The following KCNIP4 variants were observed in gnomAD, a reference collection of about 807,000 sequenced individuals.
KCNIP4 encodes the protein potassium voltage-gated channel interacting protein 4, also known as Kv channel-interacting protein 4.
A neutral mutation model predicts 34.0 loss-of-function variants in KCNIP4; 12 were observed. That is an observed-to-expected ratio of 0.35 (90% confidence interval 0.23 to 0.57). The LOEUF (loss-of-function observed/expected upper bound fraction) is 0.57, where lower values mean the gene tolerates loss of function less well. KCNIP4 is among the 20% of genes least tolerant of loss of function. KCNIP4 has a pLI of 0.83. For synonymous variants in KCNIP4, 124 were observed against 102.2 expected, an observed-to-expected ratio of 1.21 and a Z score of -1.29; for missense variants, 238 against 311.7, an observed-to-expected ratio of 0.76 and a Z score of 1.78.
At chr4:21,775,065 A>G (rs1436759849) in intron 1 of KCNIP4, among the ~76,000 whole-genome samples, 1 of 151,832 alleles carries the variant, frequency 6.6e-6, no homozygotes, top group Non-Finnish European at 1.5e-5. Flanking sequence ...TTCATTGATT[A>G]TTTCTCATCT....
At chr4:21,545,889 G>A (rs922287214) in intron 1 of KCNIP4, among the ~76,000 whole-genome samples, 3 of 152,176 alleles carry the variant, frequency 2.0e-5, no homozygotes, top group East Asian at 1.9e-4. Flanking sequence ...AATCTCTAAG[G>A]TATATACCCA....
chr4:21,637,073 C>T (rs1000786608), intron 1 of KCNIP4, among the ~76,000 whole-genome samples: 10 of 152,030 alleles, frequency 6.6e-5, no homozygotes, highest in East Asian at 1.9e-4. Context: ...AAATTGGTTC[C>T]GGGACCTCCT....
At chr4:20,864,362 T>C (rs1385268106) in intron 2 of KCNIP4, among the ~76,000 whole-genome samples, 1 of 151,056 alleles carries the variant, frequency 6.6e-6, no homozygotes, top group Non-Finnish European at 1.5e-5. Context: ...AACATGTATA[T>C]ATGTATGTTA....
intron 1 of KCNIP4, among the ~76,000 whole-genome samples, chr4:21,741,123 G>A (rs1716371085): frequency 6.6e-6 from 1 of 152,000 alleles, no homozygotes. Flanking sequence ...CATATAAGAG[G>A]CACCATTTTG....
intron 1 of KCNIP4, among the ~76,000 whole-genome samples, chr4:21,210,417 T>C (rs961850161): frequency 6.6e-6 from 1 of 152,150 alleles, no homozygotes; most frequent in Non-Finnish European, 1.5e-5. Flanking sequence ...TAAGTTCCAT[T>C]GAAAGCTAGA....
rs114064407 is a variant in KCNIP4, at chr4:21,850,750, G to A, written c.61+97821C>T. 1.4e-3 allele frequency: 220 copies of A among 151,884 alleles called. 1 individual carries two copies. Among genetic ancestry groups the A allele is most frequent in the African/African-American group, 5.0e-3 (205 of 41,400 alleles). 9.4% of individuals were successfully genotyped at this position (151,884 alleles called of 1,614,324 possible). On this transcript the variant is annotated intron_variant, in intron 1 of 8. Transcript: ENST00000382152. ...AGATTTTTTACATCAGTTTGATCCC[G>A]ATAAGATCATCTTGAAACTGGAGAT...
intron 1 of KCNIP4, among the ~76,000 whole-genome samples, chr4:21,933,701 A>T (rs969112250): frequency 2.0e-5 from 3 of 152,116 alleles, no homozygotes; most frequent in African/African-American, 7.2e-5. Flanking sequence ...AGTGAAGTTG[A>T]ATGAAATGTG....
At chr4:20,739,298 A>AC (rs1750479293) in intron 5 of KCNIP4, among the ~76,000 whole-genome samples, 1 of 152,072 alleles carries the variant, frequency 6.6e-6, no homozygotes, top group Non-Finnish European at 1.5e-5. Flanking sequence ...TGGGTCCCTG[A>AC]CCCCCGAGTA....
At chr4:21,589,636 T>C (rs1577652066) in intron 1 of KCNIP4, among the ~76,000 whole-genome samples, 1 of 151,956 alleles carries the variant, frequency 6.6e-6, no homozygotes, top group African/African-American at 2.4e-5. Context: ...GAGGTTTAAA[T>C]AGTCAAAGGA....
chr4:20,988,956 A>C (rs1736837948), intron 1 of KCNIP4, among the ~76,000 whole-genome samples: 1 of 152,242 alleles, frequency 6.6e-6, no homozygotes, highest in Non-Finnish European at 1.5e-5. Flanking sequence ...GAAACCTTAC[A>C]AATAAGCCTT....
At chr4:20,869,431 T>TAA (rs138525351) in intron 2 of KCNIP4, among the ~76,000 whole-genome samples, 3,268 of 152,198 alleles carry the variant, frequency 0.021, 47 homozygotes, top group Non-Finnish European at 0.035. Flanking sequence ...TGGCACATAG[T>TAA]AAACATTCAA....
rs186082683 is a variant in KCNIP4, at chr4:20,978,156, C to T, written c.62-95447G>A. ...TTGGTTATCTTAATTGAAATTATCT[C>T]CCTGGCTCAGGAGTTCTAACAAACA... On this transcript the variant is annotated intron_variant, in intron 1 of 8. Coordinates refer to ENST00000382152, the MANE Select transcript of KCNIP4 (RefSeq NM_025221.6). Among the ~76,000 whole-genome samples, 582 of 152,288 alleles carry T rather than the reference C, an allele frequency of 3.8e-3. 4 individuals carry two copies. Among genetic ancestry groups the T allele is most frequent in the African/African-American group, 0.013 (544 of 41,562 alleles).
chr4:21,686,388 T>C (rs1031138458), intron 1 of KCNIP4, among the ~76,000 whole-genome samples: 12 of 152,142 alleles, frequency 7.9e-5, no homozygotes, highest in Non-Finnish European at 1.6e-4. Flanking sequence ...TTTCCAGTAA[T>C]TTTACCGTAT....
chr4:21,253,693 A>C (rs899379674), intron 1 of KCNIP4, among the ~76,000 whole-genome samples: 1 of 152,204 alleles, frequency 6.6e-6, no homozygotes, highest in Non-Finnish European at 1.5e-5. Context: ...ACTGGAGAGG[A>C]GCTAAATCAT....
At chr4:20,763,681 C>G (rs1424870049) in intron 3 of KCNIP4, among the ~76,000 whole-genome samples, 1 of 152,132 alleles carries the variant, frequency 6.6e-6, no homozygotes, top group African/African-American at 2.4e-5. Flanking sequence ...CTCCAAGTGT[C>G]TGTGTTCTGA....
At chr4:21,559,042 T>C (rs1030502177) in intron 1 of KCNIP4, among the ~76,000 whole-genome samples, 1 of 152,130 alleles carries the variant, frequency 6.6e-6, no homozygotes, top group African/African-American at 2.4e-5. Context: ...AGAACCACCT[T>C]AATTTACATA....
intron 1 of KCNIP4, among the ~76,000 whole-genome samples, chr4:21,649,370 A>G (rs181366744): frequency 6.6e-6 from 1 of 152,324 alleles, no homozygotes; most frequent in East Asian, 1.9e-4. Flanking sequence ...AAAACATGCT[A>G]AGTGTCTCTT....
intron 1 of KCNIP4, among the ~76,000 whole-genome samples, chr4:21,026,422 G>A (rs1740563075): frequency 6.6e-6 from 1 of 152,160 alleles, no homozygotes; most frequent in African/African-American, 2.4e-5. Flanking sequence ...GGGAGGCCAA[G>A]TTAGTTTGCT....
chr4:20,950,912 A>T (rs777178773), intron 1 of KCNIP4, among the ~76,000 whole-genome samples: 1 of 152,106 alleles, frequency 6.6e-6, no homozygotes, highest in African/African-American at 2.4e-5. Context: ...GCTCTTTCAC[A>T]GAATACCACT....
Sources: allele counts gnomAD v4.1 joint callset (sites outside exome capture counted in the v4.1 genomes callset), GRCh38; gene constraint gnomAD v4.1.1; transcripts MANE v1.5; gene names NCBI Gene and HGNC (gene_info 2026-07-23, HGNC 2026-07-21).